Variants in SGCD observed in about 807,000 individuals in gnomAD.
The protein encoded by SGCD is sarcoglycan delta.
In SGCD, 18 loss-of-function variants were observed where a neutral mutation model predicts 36.6. The ratio of observed to expected loss-of-function variants is 0.49; its 90% CI spans 0.34 to 0.73. The LOEUF (loss-of-function observed/expected upper bound fraction) is 0.73, where lower values mean the gene tolerates loss of function less well. Ranked by LOEUF, SGCD falls within the 30% of genes least tolerant of loss-of-function variation. The pLI is 0.01. For missense variants in SGCD, 387 were observed against 346.7 expected (o/e 1.12, Z -0.92); for synonymous variants, 133 against 130.6 (o/e 1.02, Z -0.12).
At chr5:155,952,163 GT>G (rs1490679874) in intron 1 of SGCD, among the ~76,000 whole-genome samples, 1 of 152,120 alleles carries the variant, frequency 6.6e-6, no homozygotes, top group Non-Finnish European at 1.5e-5. Flanking sequence ...CATAAAATTT[GT>G]GCTGGAGTTT....
the SGCD span, among the ~76,000 whole-genome samples, chr5:155,773,736 A>T: frequency 2.0e-5 from 3 of 152,114 alleles, no homozygotes; most frequent in East Asian, 5.8e-4. Flanking sequence ...CCTGAAAGAG[A>T]CAACATTTGG....
chr5:155,883,001 T>G (rs967023731), intron 1 of SGCD, among the ~76,000 whole-genome samples: 6 of 152,244 alleles, frequency 3.9e-5, no homozygotes, highest in African/African-American at 1.4e-4. Flanking sequence ...ATCCTTTGAA[T>G]ATCTTGCTGT....
At chr5:156,542,717 T>C (rs940670919) in intron 4 of SGCD, among the ~76,000 whole-genome samples, 7 of 152,176 alleles carry the variant, frequency 4.6e-5, no homozygotes, top group Non-Finnish European at 1.0e-4. Context: ...TTCCTACTTA[T>C]GCAGTGTGAC....
the SGCD span, among the ~76,000 whole-genome samples, chr5:155,807,525 A>C: frequency 6.6e-6 from 1 of 152,252 alleles, no homozygotes; most frequent in African/African-American, 2.4e-5. Context: ...CAAAATGCCA[A>C]CCTGGCAGTG....
At chr5:156,757,869 AC>A (rs1195131495) in intron 8 of SGCD, 165 bp downstream of exon 8, 45 of 1,297,124 alleles carry the variant, frequency 3.5e-5, no homozygotes, top group Non-Finnish European at 1.2e-5. Context: ...TATAAGCCAA[AC>A]CCACAATCCA....
intron 1 of SGCD, among the ~76,000 whole-genome samples, chr5:156,093,543 T>G (rs576976914): frequency 6.6e-6 from 1 of 152,314 alleles, no homozygotes; most frequent in East Asian, 1.9e-4. Context: ...CTGAACTCTG[T>G]TTAAACTCTC....
At chr5:156,209,716 C>T (rs1487204697) in intron 3 of SGCD, among the ~76,000 whole-genome samples, 1 of 152,222 alleles carries the variant, frequency 6.6e-6, no homozygotes, top group African/African-American at 2.4e-5. Context: ...AGCACCCACA[C>T]ATCCAGCCTC....
At chr5:156,224,738 C>T (rs1306352703) in intron 3 of SGCD, among the ~76,000 whole-genome samples, 1 of 152,112 alleles carries the variant, frequency 6.6e-6, no homozygotes, top group Non-Finnish European at 1.5e-5. Flanking sequence ...TTCTTTTAAT[C>T]CAAAATCCCG....
At chr5:156,159,645 T>C (rs185620007) in intron 3 of SGCD, among the ~76,000 whole-genome samples, 1 of 151,752 alleles carries the variant, frequency 6.6e-6, no homozygotes, top group East Asian at 1.9e-4. Context: ...AGAATAAACA[T>C]TGGATAAATA....
In SGCD at chr5:156,766,065, T is replaced by C. The variant is rs1757582387; in HGVS notation, c.*6675T>C. On this transcript the variant is annotated 3_prime_UTR_variant, in exon 9 of 9. Transcript: ENST00000337851. ...AAAAAAAAAAAGACCGGAAAATACC[T>C]GGGTTGTTAGCCTCACATTTAGGAA... is the stretch of plus-strand genomic sequence containing the variant. 6.6e-6 allele frequency: 1 copy of C among 150,812 alleles called. No homozygotes were observed. Among genetic ancestry groups the C allele is most frequent in the African/African-American group, 2.4e-5 (1 of 40,832 alleles). The allele number at this position is 150,812 out of a possible 1,614,324, so 9.3% of individuals were successfully genotyped here.
At chr5:156,642,786 G>A (rs1763085434) in intron 6 of SGCD, among the ~76,000 whole-genome samples, 1 of 151,466 alleles carries the variant, frequency 6.6e-6, no homozygotes, top group Non-Finnish European at 1.5e-5. Flanking sequence ...TTATTAATGG[G>A]AATTTCCCAA....
chr5:156,276,732 A>T (rs1329508526), intron 3 of SGCD, among the ~76,000 whole-genome samples: 1 of 152,178 alleles, frequency 6.6e-6, no homozygotes, highest in Non-Finnish European at 1.5e-5. Context: ...CTCTGTTATG[A>T]AAACAGACAA....
chr5:156,485,677 G>C (rs1186832425), intron 3 of SGCD, among the ~76,000 whole-genome samples: 1 of 152,084 alleles, frequency 6.6e-6, no homozygotes, highest in Non-Finnish European at 1.5e-5. Context: ...AAAAATCGCT[G>C]TGTGTGGAGA....
chr5:156,316,135 CAA>C (rs1297202406), intron 3 of SGCD, among the ~76,000 whole-genome samples: 1 of 151,802 alleles, frequency 6.6e-6, no homozygotes, highest in African/African-American at 2.4e-5. Flanking sequence ...TTATAGGATG[CAA>C]AGTCAACATA....
rs146492424 is a variant in SGCD, at chr5:156,083,564, G to C, written c.-281-34314G>C. 2.0e-3 allele frequency among the ~76,000 whole-genome samples: 299 copies of C among 150,194 alleles called. 2 individuals are homozygous for C. The highest frequency in any genetic ancestry group is 6.9e-3 in the African/African-American group (282 of 40,972). ...CCCGCCTCAACATCCCAAAGTGCTG[G>C]AATTACAGGTATGAGCCACTGCACC... On this transcript the variant is annotated intron_variant, in intron 1 of 9. Transcript: ENST00000517913.
rs183336809 is a variant in SGCD, at chr5:156,695,097, T to G, written c.575+47561T>G. ...AGGGGAGAGTGCCATGTTCTTAATTTCAAAGGTACTGTGTTTGTGTGTGTG... is the reference window on the plus strand; with the variant it reads ...AGGGGAGAGTGCCATGTTCTTAATTGCAAAGGTACTGTGTTTGTGTGTGTG... On this transcript the variant is annotated intron_variant, in intron 7 of 8. Coordinates refer to ENST00000337851, the MANE Select transcript of SGCD (RefSeq NM_000337.6). 6.0e-5 allele frequency among the ~76,000 whole-genome samples: 9 copies of G among 150,410 alleles called. No individual in the cohort carries two copies. The East Asian group carries it at 1.6e-3, about 26-fold the overall frequency.
intron 6 of SGCD, among the ~76,000 whole-genome samples, chr5:156,611,296 G>C (rs1189772492): frequency 6.6e-6 from 1 of 152,096 alleles, no homozygotes; most frequent in Non-Finnish European, 1.5e-5. Flanking sequence ...AGGATTTTTT[G>C]TAAGTTATGA....
the SGCD span, among the ~76,000 whole-genome samples, chr5:155,751,982 G>A: frequency 3.3e-5 from 5 of 151,966 alleles, no homozygotes; most frequent in Admixed American, 6.5e-5. Flanking sequence ...AACATGACCA[G>A]TGACCTTCTG....
At chr5:156,454,435 C>G (rs913559352) in intron 3 of SGCD, among the ~76,000 whole-genome samples, 2 of 152,160 alleles carry the variant, frequency 1.3e-5, no homozygotes, top group African/African-American at 4.8e-5. Context: ...GAAGGCTAAA[C>G]TAGAAGGGAA....
Sources: allele counts gnomAD v4.1 joint callset (sites outside exome capture counted in the v4.1 genomes callset), GRCh38; gene constraint gnomAD v4.1.1; transcripts MANE v1.5; gene names NCBI Gene and HGNC (gene_info 2026-07-23, HGNC 2026-07-21).